Variants in MAGI2 observed in about 807,000 individuals in gnomAD.
MAGI2 encodes the protein membrane associated guanylate kinase, WW and PDZ domain containing 2, also known as membrane-associated guanylate kinase, WW and PDZ domain-containing protein 2.
MAGI2 carries 35 observed loss-of-function variants against 133.3 expected under a neutral mutation model. The observed-to-expected ratio is 0.26, with a 90% confidence interval of 0.20 to 0.35. MAGI2 has a LOEUF of 0.35. Ranked by LOEUF, MAGI2 falls within the 10% of genes least tolerant of loss-of-function variation. The pLI, the probability that MAGI2 is intolerant of heterozygous loss-of-function variation, is 1.00. For synonymous variants in MAGI2, 729 were observed against 710.6 expected, an observed-to-expected ratio of 1.03 and a Z score of -0.41; for missense variants, 1,636 against 1,863.4, an observed-to-expected ratio of 0.88 and a Z score of 2.25.
chr7:78,548,939 C>T (rs1181348043), intron 3 of MAGI2, among the ~76,000 whole-genome samples: 2 of 152,186 alleles, frequency 1.3e-5, no homozygotes, highest in African/African-American at 4.8e-5. Flanking sequence ...AAAAAGCATA[C>T]TGCCTTTCAA....
intron 1 of MAGI2, among the ~76,000 whole-genome samples, chr7:79,448,380 G>A (rs10272060): frequency 0.35 from 52,934 of 151,886 alleles, 9,604 homozygotes; most frequent in African/African-American, 0.45. Context: ...TTTGAATTGA[G>A]TAAAATATCT....
At chr7:78,230,001 C>T (rs562746906) in intron 10 of MAGI2, among the ~76,000 whole-genome samples, 11 of 152,312 alleles carry the variant, frequency 7.2e-5, no homozygotes, top group African/African-American at 1.9e-4. Context: ...ACAGTGCCTA[C>T]GTTAACTGTT....
chr7:78,476,531 A>T (rs1404811545), intron 6 of MAGI2, among the ~76,000 whole-genome samples: 2 of 152,038 alleles, frequency 1.3e-5, no homozygotes, highest in Non-Finnish European at 2.9e-5. Context: ...CACAATCAAC[A>T]CAATTTCACA....
intron 1 of MAGI2, among the ~76,000 whole-genome samples, chr7:79,245,887 C>T (rs114631992): frequency 1.4e-3 from 213 of 152,218 alleles, no homozygotes; most frequent in African/African-American, 4.9e-3. Context: ...CAGAGGAGTG[C>T]TGGAGTCACC....
chr7:79,118,628 A>G (rs1819610322), intron 1 of MAGI2, among the ~76,000 whole-genome samples: 1 of 152,186 alleles, frequency 6.6e-6, no homozygotes, highest in Admixed American at 6.6e-5. Context: ...AGCTGTTTAT[A>G]TAACATTCCA....
At chr7:78,224,127 G>A in intron 10 of MAGI2, among the ~76,000 whole-genome samples, 1 of 152,138 alleles carries the variant, frequency 6.6e-6, no homozygotes, top group East Asian at 1.9e-4. Flanking sequence ...AGAATGGTTT[G>A]TTCAGTTGGC....
chr7:78,643,833 T>C (rs1255724693), intron 2 of MAGI2, among the ~76,000 whole-genome samples: 1 of 151,848 alleles, frequency 6.6e-6, no homozygotes, highest in Non-Finnish European at 1.5e-5. Context: ...AAGTTAAAGA[T>C]GTGTAATAGA....
chr7:79,414,169 T>C (rs1052737713), intron 1 of MAGI2: 2 of 152,122 alleles, frequency 1.3e-5, no homozygotes, highest in Non-Finnish European at 2.9e-5. Flanking sequence ...GTCTTAAAGG[T>C]CATTATATCT....
chr7:78,143,359 C>G (rs1329635511), intron 16 of MAGI2, among the ~76,000 whole-genome samples: 2 of 152,114 alleles, frequency 1.3e-5, no homozygotes, highest in East Asian at 3.9e-4. Context: ...ACTTCCATCC[C>G]AGGCATGCAA....
rs762537844 is a variant in MAGI2, at chr7:78,125,795, C to T, written c.3466G>A (p.Gly1156Arg). The change falls in exon 20 of 22, where the codon GGA (glycine) becomes AGA (arginine). Residue 1156 changes from glycine to arginine, a missense_variant. Transcript: ENST00000354212. ...CCTCCACGAATGCTGAATCCAAATC[C>T]TTTGGCTCCTTTCTCCATGTCCACA... is the stretch of plus-strand genomic sequence containing the variant. ...FTVDMEKGAK[G>R]FGFSIRGGRE... is the part of the protein sequence containing the mutation. The T allele has an allele frequency of 6.2e-7, 1 of 1,614,162 alleles. No individual in the cohort carries two copies. Among genetic ancestry groups the T allele is most frequent in the South Asian group, 1.1e-5 (1 of 91,076 alleles).
At chr7:79,116,026 T>C (rs1359229806) in intron 1 of MAGI2, among the ~76,000 whole-genome samples, 1 of 151,980 alleles carries the variant, frequency 6.6e-6, no homozygotes, top group African/African-American at 2.4e-5. Flanking sequence ...ACAGAACCAC[T>C]CAGCAGCGAG....
intron 9 of MAGI2, among the ~76,000 whole-genome samples, chr7:78,339,597 G>C (rs772249161): frequency 7.6e-6 from 1 of 131,960 alleles, no homozygotes; most frequent in Non-Finnish European, 1.6e-5. Context: ...AAAAGCACTG[G>C]GGGAGTCTTT....
At position 78,076,852 on chromosome 7, in the gene MAGI2, CAAAAAAAAA is replaced by C. The variant is rs1242148618; in HGVS notation, c.3706+2086_3706+2094del. On this transcript the variant is annotated intron_variant, in intron 21 of 21. Transcript: ENST00000354212. The stretch of plus-strand genomic sequence containing the variant: ...TGGGCGACAGAGCGAGACTCCGTCT[CAAAAAAAAA>C]AAAAAAAAAAAAAAAAAAAGAATTA... Among the ~76,000 whole-genome samples, 6 of 42,548 alleles carry C rather than the reference CAAAAAAAAA, an allele frequency of 1.4e-4. No homozygotes were observed. The East Asian group carries it at 2.1e-3, about 15-fold the overall frequency. 27.9% of individuals were successfully genotyped at this position (42,548 alleles called of 152,430 possible).
chr7:78,927,821 T>G (rs1256390325), intron 2 of MAGI2, among the ~76,000 whole-genome samples: 1 of 151,952 alleles, frequency 6.6e-6, no homozygotes, highest in Non-Finnish European at 1.5e-5. Context: ...AACGTGATTT[T>G]CAAAAATTAA....
At chr7:78,973,855 C>A (rs750167203) in intron 2 of MAGI2, among the ~76,000 whole-genome samples, 37 of 151,754 alleles carry the variant, frequency 2.4e-4, no homozygotes, top group Non-Finnish European at 4.6e-4. Flanking sequence ...GGCCCCTCCT[C>A]ATTTCTTGGG....
intron 2 of MAGI2, among the ~76,000 whole-genome samples, chr7:78,927,470 G>A (rs17151704): frequency 0.012 from 1,889 of 151,932 alleles, 52 homozygotes; most frequent in East Asian, 0.11. Context: ...TTCAGTGAAC[G>A]TCATTTTCTA....
chr7:78,909,795 A>G (rs1272284328), intron 2 of MAGI2, among the ~76,000 whole-genome samples: 2 of 152,180 alleles, frequency 1.3e-5, no homozygotes, highest in African/African-American at 4.8e-5. Flanking sequence ...ATGTATACCC[A>G]AAGGAATATA....
intron 1 of MAGI2, among the ~76,000 whole-genome samples, chr7:79,331,022 C>A (rs1165327508): frequency 2.0e-5 from 3 of 152,090 alleles, no homozygotes; most frequent in African/African-American, 4.8e-5. Context: ...ATTAGTACTA[C>A]AGAGTATTTG....
chr7:78,774,846 C>T (rs1189316930), intron 2 of MAGI2, among the ~76,000 whole-genome samples: 1 of 152,042 alleles, frequency 6.6e-6, no homozygotes, highest in Non-Finnish European at 1.5e-5. Context: ...AACATGGTGA[C>T]TAATTGAATA....
Sources: allele counts gnomAD v4.1 joint callset (sites outside exome capture counted in the v4.1 genomes callset), GRCh38; gene constraint gnomAD v4.1.1; transcripts MANE v1.5; gene names NCBI Gene and HGNC (gene_info 2026-07-23, HGNC 2026-07-21).